Variants in HDAC9 observed in about 807,000 individuals in gnomAD.
HDAC9 encodes histone deacetylase 9.
In HDAC9, 41 loss-of-function variants were observed where a neutral mutation model predicts 139.4. The observed-to-expected ratio is 0.29, with a 90% CI of 0.23 to 0.38. The LOEUF (loss-of-function observed/expected upper bound fraction) is 0.38. Ranked by LOEUF, HDAC9 falls within the 10% of genes least tolerant of loss-of-function variation. The probability of loss-of-function intolerance (pLI) is 1.00; values close to 1 mark genes in which losing one functional copy is unlikely to be tolerated. For missense variants in HDAC9, 1,147 were observed against 1,297.0 expected, an observed-to-expected ratio of 0.88 and a Z score of 1.78; for synonymous variants, 517 against 476.2, an observed-to-expected ratio of 1.09 and a Z score of -1.12.
At chr7:18,231,023 G>A (rs1405079056) in intron 2 of HDAC9, among the ~76,000 whole-genome samples, 1 of 152,174 alleles carries the variant, frequency 6.6e-6, no homozygotes, top group Admixed American at 6.5e-5. Flanking sequence ...GTTGGGGCTA[G>A]TTTATAATTG....
At position 18,670,458 on chromosome 7, in the gene HDAC9, G is replaced by A. The variant is rs531404109; in HGVS notation, c.1731+3982G>A. On this transcript the variant is annotated intron_variant, in intron 12 of 25. Coordinates refer to ENST00000686413, the MANE Select transcript of HDAC9 (RefSeq NM_178425.4). ...ACTGTGTTTAGGCAATGCAACTTTT[G>A]GGGATCATTTTGATTTAGAAAAAGA... 8.8e-4 allele frequency among the ~76,000 whole-genome samples: 134 copies of A among 152,076 alleles called. 1 individual carries two copies. The South Asian group carries it at 0.026, about 30-fold the overall frequency.
chr7:18,451,507 T>A (rs1379141497), intron 1 of HDAC9, among the ~76,000 whole-genome samples: 2 of 151,548 alleles, frequency 1.3e-5, no homozygotes. Context: ...TAGATAGATA[T>A]GCATAAATAA....
chr7:18,695,508 C>A (rs536191075), intron 12 of HDAC9, among the ~76,000 whole-genome samples: 272 of 152,260 alleles, frequency 1.8e-3, no homozygotes, highest in African/African-American at 6.3e-3. Flanking sequence ...AGCATAGTGA[C>A]ACTTCCAATC....
At chr7:18,091,176 A>G (rs1782118419) in intron 1 of HDAC9, among the ~76,000 whole-genome samples, 1 of 152,246 alleles carries the variant, frequency 6.6e-6, no homozygotes, top group African/African-American at 2.4e-5. Context: ...CAAATGGTTT[A>G]TAGGAGCTCA....
At chr7:18,707,752 T>A (rs1784039854) in intron 12 of HDAC9, among the ~76,000 whole-genome samples, 1 of 152,202 alleles carries the variant, frequency 6.6e-6, no homozygotes, top group African/African-American at 2.4e-5. Flanking sequence ...CATGTCATAC[T>A]TTTAAAATGA....
chr7:18,774,119 A>G (rs1562931550), intron 16 of HDAC9, among the ~76,000 whole-genome samples: 1 of 152,054 alleles, frequency 6.6e-6, no homozygotes, highest in Admixed American at 6.6e-5. Flanking sequence ...ATAGCTTCTG[A>G]GTTTTAGACT....
At chr7:18,322,784 A>G (rs892366531) in intron 1 of HDAC9, among the ~76,000 whole-genome samples, 1 of 152,164 alleles carries the variant, frequency 6.6e-6, no homozygotes, top group Non-Finnish European at 1.5e-5. Flanking sequence ...GGAGAGAGAA[A>G]AATAACAGTT....
At chr7:18,417,444 T>A (rs980561887) in intron 1 of HDAC9, among the ~76,000 whole-genome samples, 5 of 152,250 alleles carry the variant, frequency 3.3e-5, no homozygotes, top group African/African-American at 1.2e-4. Context: ...TTCTGCTTTT[T>A]AACAATCCTG....
intron 16 of HDAC9, among the ~76,000 whole-genome samples, chr7:18,769,252 T>C (rs1169963615): frequency 2.0e-5 from 3 of 152,202 alleles, no homozygotes; most frequent in Non-Finnish European, 2.9e-5. Flanking sequence ...TAAACCCAAA[T>C]TGACTTCTTA....
At chr7:18,112,783 A>G (rs1341649671) in intron 1 of HDAC9, among the ~76,000 whole-genome samples, 1 of 152,202 alleles carries the variant, frequency 6.6e-6, no homozygotes, top group Non-Finnish European at 1.5e-5. Context: ...ATTTATCAGC[A>G]CACAGTGGCT....
intron 23 of HDAC9, chr7:18,949,008 C>T: frequency 2.5e-6 from 1 of 401,296 alleles, no homozygotes; most frequent in Admixed American, 3.0e-5. Flanking sequence ...GGAAGAGAAC[C>T]ACCTTTTTGT....
At chr7:18,117,515 AAAAAG>A (rs1357146863) in intron 1 of HDAC9, among the ~76,000 whole-genome samples, 2 of 151,894 alleles carry the variant, frequency 1.3e-5, no homozygotes, top group African/African-American at 2.4e-5. Context: ...TAAAAAAAAA[AAAAAG>A]AGAAGAGATA....
At chr7:18,984,976 T>G (rs1025891779) in intron 25 of HDAC9, among the ~76,000 whole-genome samples, 17 of 152,216 alleles carry the variant, frequency 1.1e-4, no homozygotes, top group African/African-American at 4.1e-4. Context: ...TATGAGGGAA[T>G]ATATTCCCAA....
chr7:18,327,336 G>C (rs1800536803), intron 1 of HDAC9: 1 of 151,508 alleles, frequency 6.6e-6, no homozygotes, highest in Non-Finnish European at 1.5e-5. Context: ...AGATATAATG[G>C]CCAGAAGATG....
intron 2 of HDAC9, among the ~76,000 whole-genome samples, chr7:18,581,470 A>C (rs1330842586): frequency 6.6e-6 from 1 of 152,120 alleles, no homozygotes; most frequent in Admixed American, 6.5e-5. Flanking sequence ...TGTTTCAGAG[A>C]CTTGTAGGAC....
intron 2 of HDAC9, among the ~76,000 whole-genome samples, chr7:18,567,826 A>G (rs1340596363): frequency 6.6e-6 from 1 of 151,970 alleles, no homozygotes; most frequent in African/African-American, 2.4e-5. Flanking sequence ...TGAGGTGTAT[A>G]AGATGTTTCT....
intron 1 of HDAC9, among the ~76,000 whole-genome samples, chr7:18,292,965 T>C (rs192978637): frequency 1.3e-4 from 20 of 152,186 alleles, no homozygotes; most frequent in African/African-American, 2.2e-4. Flanking sequence ...GAGTTTTTTT[T>C]CCCCTCCAAT....
chr7:18,436,977 C>T (rs1791261256), intron 1 of HDAC9, among the ~76,000 whole-genome samples: 1 of 152,054 alleles, frequency 6.6e-6, no homozygotes, highest in South Asian at 2.1e-4. Flanking sequence ...TCATGTAAAG[C>T]CAGAGATATT....
intron 1 of HDAC9, among the ~76,000 whole-genome samples, chr7:18,411,620 C>T (rs1788561248): frequency 1.3e-5 from 2 of 152,188 alleles, no homozygotes; most frequent in Non-Finnish European, 2.9e-5. Flanking sequence ...CGTGATCTGC[C>T]TGCCTTGGCC....
Sources: allele counts gnomAD v4.1 joint callset (sites outside exome capture counted in the v4.1 genomes callset), GRCh38; gene constraint gnomAD v4.1.1; transcripts MANE v1.5; gene names NCBI Gene and HGNC (gene_info 2026-07-23, HGNC 2026-07-21).